The following EYS variants were observed in gnomAD, a reference collection of about 807,000 sequenced individuals.
EYS encodes the protein EGF-like photoreceptor maintenance factor, also known as protein eyes shut homolog.
Under a neutral mutation model 282.1 loss-of-function variants are expected in EYS, and 250 were observed. The observed-to-expected ratio is 0.89, with a 90% CI of 0.80 to 0.98. The LOEUF (loss-of-function observed/expected upper bound fraction) is 0.98, where lower values mean the gene tolerates loss of function less well. EYS is among the 50% of genes least tolerant of loss of function. The probability of loss-of-function intolerance (pLI) is 0.00; values close to 1 mark genes in which losing one functional copy is unlikely to be tolerated. For synonymous variants in EYS, 1,355 were observed against 1,282.9 expected (o/e 1.06, Z -1.20); for missense variants, 4,016 against 3,709.0 (o/e 1.08, Z -2.15).
intron 34 of EYS, among the ~76,000 whole-genome samples, chr6:63,993,613 CA>C (rs1767703714): frequency 6.6e-6 from 1 of 151,246 alleles, no homozygotes; most frequent in South Asian, 2.1e-4. Flanking sequence ...CTTAAGAGGG[CA>C]AAAAACATGT....
intron 31 of EYS, among the ~76,000 whole-genome samples, chr6:64,156,108 C>T (rs1774912875): frequency 6.6e-6 from 1 of 151,010 alleles, no homozygotes; most frequent in African/African-American, 2.4e-5. Context: ...GACTCTGTGT[C>T]CCCACCCAAA....
At chr6:65,542,759 C>T (rs181932885) in intron 2 of EYS, among the ~76,000 whole-genome samples, 250 of 152,144 alleles carry the variant, frequency 1.6e-3, no homozygotes, top group Non-Finnish European at 3.1e-3. Context: ...ATATTGGCAA[C>T]ATTAAAAATG....
intron 12 of EYS, among the ~76,000 whole-genome samples, chr6:65,242,119 T>G (rs919761560): frequency 3.3e-5 from 5 of 152,092 alleles, no homozygotes; most frequent in Admixed American, 2.0e-4. Context: ...TTTCTATGTA[T>G]TTTTTAAACA....
At chr6:64,152,862 G>T (rs1774788263) in intron 31 of EYS, among the ~76,000 whole-genome samples, 1 of 152,052 alleles carries the variant, frequency 6.6e-6, no homozygotes, top group African/African-American at 2.4e-5. Flanking sequence ...CTAAAATAGA[G>T]AATAAAAGTA....
chr6:64,144,958 T>A (rs1490148106), intron 31 of EYS, among the ~76,000 whole-genome samples: 1 of 152,168 alleles, frequency 6.6e-6, no homozygotes, highest in South Asian at 2.1e-4. Flanking sequence ...AAGCTAACTA[T>A]CTCACTCAGA....
At chr6:65,064,935 C>G (rs1329913342) in intron 12 of EYS, among the ~76,000 whole-genome samples, 2 of 152,108 alleles carry the variant, frequency 1.3e-5, no homozygotes, top group African/African-American at 4.8e-5. Flanking sequence ...GAAGGTGAGT[C>G]TCACAGAAAG....
At chr6:65,001,267 G>A (rs1337873486) in intron 13 of EYS, among the ~76,000 whole-genome samples, 3 of 147,572 alleles carry the variant, frequency 2.0e-5, no homozygotes, top group African/African-American at 7.3e-5. Flanking sequence ...CTTGAAGGTT[G>A]AATGAGAGAT....
At chr6:64,204,692 C>T (rs1765564814) in intron 31 of EYS, among the ~76,000 whole-genome samples, 2 of 152,052 alleles carry the variant, frequency 1.3e-5, no homozygotes, top group Admixed American at 1.3e-4. Context: ...TCTGGAATTT[C>T]TGGGGAAGGG....
intron 12 of EYS, among the ~76,000 whole-genome samples, chr6:65,230,444 C>A (rs1348140334): frequency 6.6e-6 from 1 of 151,760 alleles, no homozygotes; most frequent in Non-Finnish European, 1.5e-5. Context: ...ATTAGTTTTC[C>A]CCCCAGAAGA....
intron 11 of EYS, among the ~76,000 whole-genome samples, chr6:65,319,187 C>T (rs9345606): frequency 0.35 from 41,702 of 119,686 alleles, 8,040 homozygotes; most frequent in East Asian, 0.78. Context: ...GGCAAAACCC[C>T]GTCTCTACTA....
At chr6:64,196,379 C>A (rs1185401064) in intron 31 of EYS, among the ~76,000 whole-genome samples, 1 of 152,194 alleles carries the variant, frequency 6.6e-6, no homozygotes, top group Non-Finnish European at 1.5e-5. Flanking sequence ...TTTGACCCAG[C>A]CATCCCATTA....
chr6:63,963,907 C>T (rs1403729258), intron 35 of EYS, among the ~76,000 whole-genome samples: 1 of 152,132 alleles, frequency 6.6e-6, no homozygotes, highest in Non-Finnish European at 1.5e-5. Context: ...ACTCCAGGTT[C>T]ATTTTTCTTG....
chr6:65,573,680 C>T (rs1429878703), intron 2 of EYS, among the ~76,000 whole-genome samples: 1 of 152,178 alleles, frequency 6.6e-6, no homozygotes, highest in Non-Finnish European at 1.5e-5. Flanking sequence ...ACTGGAACCA[C>T]AGCTATAAGA....
intron 12 of EYS, among the ~76,000 whole-genome samples, chr6:65,083,614 C>T (rs1036361739): frequency 6.6e-6 from 1 of 151,646 alleles, no homozygotes; most frequent in Admixed American, 6.6e-5. Context: ...CTTTTTCAAC[C>T]CTGTTTTCCT....
At chr6:64,136,393 C>T (rs1774162658) in intron 31 of EYS, among the ~76,000 whole-genome samples, 1 of 152,070 alleles carries the variant, frequency 6.6e-6, no homozygotes, top group African/African-American at 2.4e-5. Context: ...GACCCCTTCC[C>T]ATGAATCATA....
intron 12 of EYS, among the ~76,000 whole-genome samples, chr6:65,146,809 C>A (rs913508159): frequency 5.3e-5 from 8 of 151,908 alleles, no homozygotes; most frequent in African/African-American, 1.9e-4. Flanking sequence ...TTCTTTTTAC[C>A]ATTTGAAGAG....
chr6:64,332,813 T>G (rs1264820343), intron 29 of EYS, among the ~76,000 whole-genome samples: 4 of 152,206 alleles, frequency 2.6e-5, no homozygotes, highest in African/African-American at 9.7e-5. Flanking sequence ...GATAGATAAG[T>G]AAATGTGGAT....
At chr6:65,496,810 A>G (rs1385011824) in intron 2 of EYS, among the ~76,000 whole-genome samples, 4 of 152,092 alleles carry the variant, frequency 2.6e-5, no homozygotes, top group Non-Finnish European at 5.9e-5. Flanking sequence ...ATAAAGATCA[A>G]TTAAATGTTG....
At chr6:64,078,427 T>G (rs556918801) in intron 32 of EYS, among the ~76,000 whole-genome samples, 2 of 152,160 alleles carry the variant, frequency 1.3e-5, no homozygotes, top group East Asian at 3.9e-4. Flanking sequence ...CTAACTGAAT[T>G]ACAAAAATCT....
Sources: allele counts gnomAD v4.1 joint callset (sites outside exome capture counted in the v4.1 genomes callset), GRCh38; gene constraint gnomAD v4.1.1; transcripts MANE v1.5; gene names NCBI Gene and HGNC (gene_info 2026-07-23, HGNC 2026-07-21).